The following TERB1 variants were observed in gnomAD, a reference collection of about 807,000 sequenced individuals.
TERB1 encodes telomere repeat binding bouquet formation protein 1, also known as telomere repeats-binding bouquet formation protein 1.
In TERB1, 63 loss-of-function variants were observed where a neutral mutation model predicts 92.3. The ratio of observed to expected loss-of-function variants is 0.68; its 90% CI spans 0.56 to 0.84. TERB1 has a LOEUF of 0.84. Ranked by LOEUF, TERB1 falls within the 40% of genes least tolerant of loss-of-function variation. TERB1 has a pLI of 0.00. For missense variants in TERB1, 709 were observed against 843.7 expected, an observed-to-expected ratio of 0.84 and a Z score of 1.98; for synonymous variants, 252 against 283.9, an observed-to-expected ratio of 0.89 and a Z score of 1.13.
chr16:66,762,712 C>G (rs192188506), intron 16 of TERB1, among the ~76,000 whole-genome samples: 34 of 146,488 alleles, frequency 2.3e-4, no homozygotes, highest in Non-Finnish European at 4.2e-4. Flanking sequence ...GAGATAGTGT[C>G]TCACTCTGTC....
At chr16:66,801,827 A>C (rs902823413), upstream of TERB1, among the ~76,000 whole-genome samples, 1 of 152,226 alleles carries the variant, frequency 6.6e-6, no homozygotes, top group Admixed American at 6.5e-5. Context: ...AAATTAGGGG[A>C]CTGTGCACGC....
chr16:66,784,885 G>A (rs1336934633), intron 9 of TERB1, among the ~76,000 whole-genome samples: 7 of 150,358 alleles, frequency 4.7e-5, no homozygotes, highest in African/African-American at 7.3e-5. Context: ...ACAGGTGCCC[G>A]GCTAATTTTT....
intron 3 of TERB1, among the ~76,000 whole-genome samples, chr16:66,793,524 T>A (rs1480673264): frequency 6.6e-6 from 1 of 151,880 alleles, no homozygotes. Flanking sequence ...GGACTGGTTT[T>A]TTTTTGAAAT....
chr16:66,765,448 A>G (rs890026927), intron 16 of TERB1, among the ~76,000 whole-genome samples: 1 of 151,648 alleles, frequency 6.6e-6, no homozygotes, highest in Non-Finnish European at 1.5e-5. Flanking sequence ...AAATACATTT[A>G]CTTTCTTTCT....
intron 9 of TERB1, among the ~76,000 whole-genome samples, chr16:66,784,331 T>G (rs2018685060): frequency 6.6e-6 from 1 of 151,858 alleles, no homozygotes; most frequent in African/African-American, 2.4e-5. Context: ...TTTTTTTGGG[T>G]TTTTTGTGTT....
intron 11 of TERB1, among the ~76,000 whole-genome samples, chr16:66,776,559 T>C (rs1267931790): frequency 6.7e-6 from 1 of 149,164 alleles, no homozygotes; most frequent in Non-Finnish European, 1.5e-5. Context: ...GAAGAAAGAG[T>C]GGAAGAAGCA....
At position 66,772,652 on chromosome 16, in the gene TERB1, C is replaced by T; in HGVS notation, c.1209G>A (p.Glu403=). 6.4e-7 allele frequency: 1 copy of T among 1,551,262 alleles called. No individual in the cohort carries two copies. The highest frequency in any genetic ancestry group is 8.7e-7 in the Non-Finnish European group (1 of 1,146,454). Residue 403 remains glutamate, a synonymous_variant, in exon 13 of 19, where the codon GAG becomes GAA. Coordinates refer to ENST00000433154, the MANE Select transcript of TERB1 (RefSeq NM_001136505.2). ...GAATTTCCTTTGCTTTCCTCCAGTGCTCTTCAAGATTATTCTCCTTCACAC... is the reference window on the plus strand; with the variant it reads ...GAATTTCCTTTGCTTTCCTCCAGTGTTCTTCAAGATTATTCTCCTTCACAC... ...DISVKENNLE[E]HWRKAKEILH...
chr16:66,770,427 T>C (rs952829232), intron 13 of TERB1, 118 bp from the exon 14 acceptor site: 4 of 705,452 alleles, frequency 5.7e-6, no homozygotes, highest in Non-Finnish European at 9.1e-6. Context: ...ATAGAACATA[T>C]ATGATAAAAG....
intron 3 of TERB1, among the ~76,000 whole-genome samples, chr16:66,793,046 C>A (rs2018862478): frequency 6.7e-6 from 1 of 150,046 alleles, no homozygotes; most frequent in Non-Finnish European, 1.5e-5. Flanking sequence ...CCAACCTGGA[C>A]AATAAGAGCA....
At chr16:66,767,742 T>C (rs575571695) in intron 15 of TERB1, among the ~76,000 whole-genome samples, 1 of 152,200 alleles carries the variant, frequency 6.6e-6, no homozygotes, top group East Asian at 1.9e-4. Context: ...CTTTTTTTTT[T>C]TTTGAGATGG....
intron 16 of TERB1, among the ~76,000 whole-genome samples, chr16:66,766,853 A>C (rs2018354285): frequency 6.6e-6 from 1 of 152,196 alleles, no homozygotes; most frequent in East Asian, 1.9e-4. Flanking sequence ...CGCTATGTTG[A>C]CCATGCTGGT....
chr16:66,788,077 C>A (rs1484383238), intron 6 of TERB1, 92 bp downstream of exon 6: 6 of 1,077,348 alleles, frequency 5.6e-6, no homozygotes, highest in Non-Finnish European at 6.2e-6. Context: ...CACAAAAAAA[C>A]AAAACTGATA....
rs1216240870 is a variant in TERB1, at chr16:66,770,193, ATCT to A, written c.1386_1388del (p.Glu462del). On this transcript the variant is annotated inframe_deletion, in exon 14 of 19. Transcript: ENST00000433154. ...ACTGTCTAGAATGGCTTTTATCCTCATCTTCTGCTTTGCTACCTCGACCAATCC... is the reference window on the plus strand; with the variant it reads ...ACTGTCTAGAATGGCTTTTATCCTCATCTGCTTTGCTACCTCGACCAATCC... The A allele has an allele frequency of 1.9e-6, 3 of 1,552,224 alleles. No homozygotes were observed. The Admixed American group carries it at 5.9e-5, about 30-fold the overall frequency.
chr16:66,797,465 G>A lies in TERB1; in HGVS notation c.-32-635C>T, dbSNP rs571752612. Among the ~76,000 whole-genome samples the A allele has an allele frequency of 2.4e-4, 37 of 151,748 alleles. No individual in the cohort carries two copies. The East Asian group carries it at 3.5e-3, about 14-fold the overall frequency. ...TTGCCCAGGCTGGTCACAAACTCCC[G>A]GTCTCAAGCAATCCACACACCTCAG... On this transcript the variant is annotated intron_variant, in intron 2 of 18. Transcript: ENST00000433154.
At chr16:66,762,136 T>A (rs1471958568) in intron 16 of TERB1, among the ~76,000 whole-genome samples, 5 of 152,242 alleles carry the variant, frequency 3.3e-5, no homozygotes, top group Non-Finnish European at 5.9e-5. Context: ...AAGTGATCCT[T>A]AAGCTCAGTC....
chr16:66,760,315 C>T (rs1334736098), intron 16 of TERB1, among the ~76,000 whole-genome samples: 1 of 141,876 alleles, frequency 7.0e-6, no homozygotes, highest in Non-Finnish European at 1.5e-5. Flanking sequence ...AAAAATTAGC[C>T]AGGCATGGTG....
chr16:66,772,504 A>G (rs16956935), intron 13 of TERB1, 85 bp downstream of exon 13: 14,725 of 1,236,002 alleles, frequency 0.012, 457 homozygotes, highest in South Asian at 0.094. Flanking sequence ...CAAAAAATTT[A>G]TATGTCAGTG....
chr16:66,784,498 A>AT (rs1156967495), intron 9 of TERB1, among the ~76,000 whole-genome samples: 4 of 151,320 alleles, frequency 2.6e-5, no homozygotes, highest in African/African-American at 7.3e-5. Flanking sequence ...CACCAGGCTA[A>AT]TTTTTTTGTA....
At chr16:66,775,684 T>C (rs1040804310) in intron 11 of TERB1, among the ~76,000 whole-genome samples, 1 of 148,550 alleles carries the variant, frequency 6.7e-6, no homozygotes, top group African/African-American at 2.5e-5. Flanking sequence ...ATTTTTAAAA[T>C]AGAGAAACAC....
Sources: allele counts gnomAD v4.1 joint callset (sites outside exome capture counted in the v4.1 genomes callset), GRCh38; gene constraint gnomAD v4.1.1; transcripts MANE v1.5; gene names NCBI Gene and HGNC (gene_info 2026-07-23, HGNC 2026-07-21).